USP48: variants seen among roughly 807,000 people sequenced by gnomAD.
USP48 encodes the protein ubiquitin specific peptidase 48.
In USP48, 43 loss-of-function variants were observed where a neutral mutation model predicts 150.7. The observed-to-expected ratio is 0.29, with a 90% CI of 0.22 to 0.37. The LOEUF (loss-of-function observed/expected upper bound fraction) is 0.37. Ranked by LOEUF, USP48 falls within the 10% of genes least tolerant of loss-of-function variation. The pLI, the probability that USP48 is intolerant of heterozygous loss-of-function variation, is 1.00. For synonymous variants in USP48, 396 were observed against 425.9 expected (o/e 0.93, Z 0.86); for missense variants, 813 against 1,249.6 (o/e 0.65, Z 5.27).
At chr1:21,736,421 G>T in intron 9 of USP48, 25 bp downstream of exon 9, 2 of 1,562,840 alleles carry the variant, frequency 1.3e-6, no homozygotes, top group South Asian at 1.2e-5. Flanking sequence ...ATTTTAAAAG[G>T]GCACTCACAA....
At chr1:21,699,901 T>G (rs552576065) in intron 22 of USP48, among the ~76,000 whole-genome samples, 1 of 151,168 alleles carries the variant, frequency 6.6e-6, no homozygotes, top group South Asian at 2.1e-4. Flanking sequence ...ATGGCTTGTA[T>G]AGACCACAGA....
intron 15 of USP48, among the ~76,000 whole-genome samples, chr1:21,708,907 GAAAAGAAAA>G (rs2097682265): frequency 5.0e-5 from 1 of 20,128 alleles, no homozygotes; most frequent in Admixed American, 9.6e-4. Flanking sequence ...AAAAAAGAAA[GAAAAGAAAA>G]GAAAAGAAAA....
At chr1:21,737,458 T>A (rs1219326094) in intron 8 of USP48, among the ~76,000 whole-genome samples, 1 of 152,210 alleles carries the variant, frequency 6.6e-6, no homozygotes, top group East Asian at 1.9e-4. Flanking sequence ...TTTTACACGG[T>A]ATTCAAAAAG....
chr1:21,708,156 C>A (rs2097678393), intron 15 of USP48, among the ~76,000 whole-genome samples: 2 of 151,590 alleles, frequency 1.3e-5, no homozygotes, highest in African/African-American at 4.8e-5. Context: ...GAGAGAGACG[C>A]CATCTCAAAA....
intron 14 of USP48, among the ~76,000 whole-genome samples, chr1:21,717,523 A>AT (rs762732696): frequency 4.6e-5 from 7 of 152,228 alleles, no homozygotes; most frequent in Non-Finnish European, 7.3e-5. Flanking sequence ...ATACAACCAG[A>AT]TAATTCTGTC....
chr1:21,703,650 A>G, intron 20 of USP48, 32 bp from the exon 21 acceptor site: 1 of 1,462,820 alleles, frequency 6.8e-7, no homozygotes, highest in Non-Finnish European at 9.4e-7. Context: ...GGAAAACAGA[A>G]GTGGCTGAGG....
At chr1:21,723,770 G>T in intron 12 of USP48, 128 bp downstream of exon 12, 1 of 797,392 alleles carries the variant, frequency 1.3e-6, no homozygotes, top group Non-Finnish European at 2.0e-6. Flanking sequence ...AATCCTTTGT[G>T]CAAAGTGTAA....
At chr1:21,728,863 A>C in intron 10 of USP48, 144 bp from the exon 11 acceptor site, 1 of 1,005,524 alleles carries the variant, frequency 9.9e-7, no homozygotes, top group Non-Finnish European at 1.4e-6. Flanking sequence ...AGAAACCTCC[A>C]AACTGAAGGC....
chr1:21,715,394 G>C lies in USP48; in HGVS notation c.1958C>G (p.Pro653Arg). ...ELNFNEDILC[P>R]HGELCISENE... ...CATTTATGCTTCTAGCTTACCATGTGGACACAGAATATCTTCATTAAAATT... is the reference window on the plus strand; with the variant it reads ...CATTTATGCTTCTAGCTTACCATGTCGACACAGAATATCTTCATTAAAATT... The change falls in exon 15 of 27, where the codon CCA (proline) becomes CGA (arginine). Residue 653 changes from proline to arginine, a missense_variant. Coordinates refer to ENST00000308271, the MANE Select transcript of USP48 (RefSeq NM_032236.8). 6.3e-7 allele frequency: 1 copy of C among 1,590,010 alleles called. No homozygotes were observed. The highest frequency in any genetic ancestry group is 1.1e-5 in the South Asian group (1 of 89,962).
chr1:21,757,056 A>G (rs757698670), intron 2 of USP48: 3 of 934,676 alleles, frequency 3.2e-6, no homozygotes, highest in Admixed American at 6.2e-5. Context: ...GCCAGCATTC[A>G]GCAGAATGAC....
At chr1:21,752,110 T>C (rs2097817319) in intron 5 of USP48, among the ~76,000 whole-genome samples, 1 of 151,962 alleles carries the variant, frequency 6.6e-6, no homozygotes, top group Non-Finnish European at 1.5e-5. Flanking sequence ...TGTTAAGAGG[T>C]ACAAGTGCAG....
intron 1 of USP48, chr1:21,768,400 T>A (rs1036691663): frequency 6.5e-6 from 1 of 153,022 alleles, no homozygotes; most frequent in African/African-American, 2.4e-5. Context: ...GTTTCATGAA[T>A]ACAGAACTGG....
chr1:21,752,009 T>A (rs1326544548), intron 5 of USP48, among the ~76,000 whole-genome samples: 33 of 120,412 alleles, frequency 2.7e-4, no homozygotes, highest in Non-Finnish European at 4.0e-4. Context: ...AGAGCAAGAG[T>A]CCATCTCAAA....
intron 22 of USP48, among the ~76,000 whole-genome samples, chr1:21,696,800 C>T (rs1288142390): frequency 2.0e-5 from 3 of 148,972 alleles, no homozygotes; most frequent in African/African-American, 7.4e-5. Flanking sequence ...CTACAGTACT[C>T]CTATAAATCC....
chr1:21,701,722 G>T, intron 21 of USP48, 120 bp from the exon 22 acceptor site: 1 of 694,566 alleles, frequency 1.4e-6, no homozygotes, highest in Non-Finnish European at 2.5e-6. Context: ...ATCATGGTGG[G>T]ATTATAGACT....
At chr1:21,714,844 A>C (rs1473445901) in intron 15 of USP48, among the ~76,000 whole-genome samples, 1 of 152,238 alleles carries the variant, frequency 6.6e-6, no homozygotes, top group Admixed American at 6.5e-5. Flanking sequence ...GTCAATACAC[A>C]AACAAGAAAC....
At chr1:21,770,330 G>C (rs1002035374) in intron 1 of USP48, among the ~76,000 whole-genome samples, 2 of 152,054 alleles carry the variant, frequency 1.3e-5, no homozygotes, top group African/African-American at 4.8e-5. Context: ...AAAGTTAAGG[G>C]TAAGTGGTTC....
At chr1:21,690,335 T>A (rs1316364266) in intron 23 of USP48, among the ~76,000 whole-genome samples, 1 of 152,040 alleles carries the variant, frequency 6.6e-6, no homozygotes, top group African/African-American at 2.4e-5. Flanking sequence ...CACATATAGA[T>A]GCGTTTGTTC....
Position 21,782,752 on chromosome 1 carries a change from T to C in USP48, c.134+72A>G. 6 of 1,453,680 alleles carry C rather than the reference T, an allele frequency of 4.1e-6. No homozygotes were observed. The South Asian group carries it at 5.4e-5, about 13-fold the overall frequency. 90.0% of individuals were successfully genotyped at this position (1,453,680 alleles called of 1,614,324 possible). On this transcript the variant is annotated intron_variant, in intron 1 of 26. Transcript: ENST00000308271. ...TGCACGCAAAGGGCTGCCGTCTTCC[T>C]TTCCCCTACCCCGCCCGGGCTTTCC...
Sources: allele counts gnomAD v4.1 joint callset (sites outside exome capture counted in the v4.1 genomes callset), GRCh38; gene constraint gnomAD v4.1.1; transcripts MANE v1.5; gene names NCBI Gene and HGNC (gene_info 2026-07-23, HGNC 2026-07-21).